CRTAC1: variants seen among roughly 807,000 people sequenced by gnomAD.
CRTAC1 encodes the protein acidic secreted protein in cartilage.
CRTAC1 carries 37 observed loss-of-function variants against 67.8 expected under a neutral mutation model. The observed-to-expected ratio is 0.55, with a 90% CI of 0.42 to 0.72. The LOEUF is 0.72. CRTAC1 is among the 30% of genes least tolerant of loss of function. The probability of loss-of-function intolerance (pLI) is 0.00; values close to 1 mark genes in which losing one functional copy is unlikely to be tolerated. For missense variants in CRTAC1, 780 were observed against 931.6 expected (o/e 0.84, Z 2.12); for synonymous variants, 348 against 371.0 (o/e 0.94, Z 0.71).
In CRTAC1 at chr10:98,030,301, A is replaced by C; in HGVS notation, c.24+148T>G. The C allele has an allele frequency of 2.2e-6, 1 of 464,062 alleles. No homozygotes were observed. The allele number at this position is 464,062 out of a possible 1,614,324, so 28.7% of individuals were successfully genotyped here. A position where few individuals can be genotyped will look rare whatever the true frequency, so the allele number is the denominator to read the frequency against. ...CGAGTCCAGCGCCTCCCAGCAAGTT[A>C]GGAGCGAAGCCGCCGCCTTCGCGAT... On this transcript the variant is annotated intron_variant, in intron 1 of 14. Transcript: ENST00000370597. The surrounding 1 kb of genome is among the most constrained non-coding windows in gnomAD (Gnocchi z 4.2).
At chr10:97,937,693 C>G (rs1272100583) in intron 2 of CRTAC1, among the ~76,000 whole-genome samples, 1 of 152,186 alleles carries the variant, frequency 6.6e-6, no homozygotes, top group Non-Finnish European at 1.5e-5. Flanking sequence ...ATGGAGAAAA[C>G]AAGGGCCCTG....
At chr10:97,972,870 A>G (rs2051737555) in intron 2 of CRTAC1, among the ~76,000 whole-genome samples, 1 of 152,212 alleles carries the variant, frequency 6.6e-6, no homozygotes, top group Non-Finnish European at 1.5e-5. Context: ...TATTTCATCA[A>G]TTCCAAGACA....
chr10:97,903,974 C>T (rs149598151), intron 7 of CRTAC1, among the ~76,000 whole-genome samples: 384 of 152,058 alleles, frequency 2.5e-3, no homozygotes, highest in African/African-American at 8.5e-3. Flanking sequence ...TTGGTTTGAA[C>T]GTCAGTCTGA....
intron 11 of CRTAC1, among the ~76,000 whole-genome samples, chr10:97,887,756 G>A (rs1345837374): frequency 6.6e-6 from 1 of 152,228 alleles, no homozygotes; most frequent in African/African-American, 2.4e-5. Flanking sequence ...CCACTCCTAG[G>A]AAGCACAGCC....
chr10:97,980,189 AAAGTGCTCAGGGC>A (rs1404098824), intron 2 of CRTAC1, among the ~76,000 whole-genome samples: 1 of 152,258 alleles, frequency 6.6e-6, no homozygotes, highest in East Asian at 1.9e-4. Flanking sequence ...AGATTCATGT[AAAGTGCTCAGGGC>A]AATGCCAGGC....
At position 97,901,626 on chromosome 10, in the gene CRTAC1, G is replaced by A; in HGVS notation, c.1010C>T (p.Pro337Leu). ...GKVRFRDIAS[P>L]KFSMPSPVRT... ...GACAGGGGAGGGCATGGAGAACTTG[G>A]GTGAGGCGATGTCCTGGAGGAAACA... The change falls in exon 8 of 15, where the codon CCC becomes CTC. Residue 337 changes from proline to leucine, a missense_variant. Physicochemically the swap from Pro to Leu is moderately conservative, Grantham distance 98. Transcript: ENST00000370597. The A allele has an allele frequency of 6.2e-7, 1 of 1,614,170 alleles. No individual in the cohort carries two copies. Among genetic ancestry groups the A allele is most frequent in the Non-Finnish European group, 8.5e-7 (1 of 1,180,020 alleles).
chr10:97,886,150 G>A lies in CRTAC1; in HGVS notation c.1487-1799C>T, dbSNP rs183351026. Among the ~76,000 whole-genome samples the A allele has an allele frequency of 6.8e-4, 104 of 152,318 alleles. 2 individuals are homozygous for A. In the South Asian group the frequency reaches 0.018, roughly 26 times the overall value. The stretch of plus-strand genomic sequence containing the variant: ...CTGTGGGGCATGGAGGAAGGGAGCC[G>A]GGTGCTGGGGGGAGGACCCATGATG... On this transcript the variant is annotated intron_variant, in intron 11 of 14. Transcript: ENST00000370597.
In CRTAC1 at chr10:97,895,886, T is replaced by C. The variant is rs1226182756; in HGVS notation, c.1316A>G (p.Gln439Arg). 6.2e-7 allele frequency: 1 copy of C among 1,612,062 alleles called. No homozygotes were observed. Among genetic ancestry groups the C allele is most frequent in the Admixed American group, 1.7e-5 (1 of 59,992 alleles). ...AQPLSVFRGNQGFNNNWLRVV... is the reference protein window; with the variant it reads ...AQPLSVFRGNRGFNNNWLRVV... ...GTGGCTCCTGAGGTCTTAGCGCACC[T>C]GATTGCCCCGGAAGACGGACAGCGG... Residue 439 changes from glutamine (Q) to arginine (R), a missense_variant and splice_region_variant, in exon 10 of 15, where the codon CAG (glutamine) becomes CGG (arginine). By Grantham distance (43) the Gln-to-Arg change is conservative (BLOSUM62 1). Transcript: ENST00000370597. The surrounding 1 kb of genome is among the most constrained non-coding windows in gnomAD (Gnocchi z 4.2).
At chr10:97,902,115 C>A in intron 7 of CRTAC1, among the ~76,000 whole-genome samples, 1 of 152,214 alleles carries the variant, frequency 6.6e-6, no homozygotes, top group East Asian at 1.9e-4. Context: ...CACCGGAAAT[C>A]TCTGTGCATC....
Position 97,936,166 on chromosome 10 carries a change from T to C in CRTAC1, c.421+4A>G. On this transcript the variant is annotated splice_donor_region_variant and intron_variant, in intron 3 of 14. Coordinates refer to ENST00000370597, the MANE Select transcript of CRTAC1 (RefSeq NM_018058.7). ...CAGGAAGAGGCCTGAGCCCCAGCCC[T>C]TACCCGAGAAGGCATTATTGGTGTT... 2 of 1,597,460 alleles carry C rather than the reference T, an allele frequency of 1.3e-6. No individual in the cohort carries two copies. The highest frequency in any genetic ancestry group is 1.7e-6 in the Non-Finnish European group (2 of 1,168,126).
chr10:97,876,754 C>G (rs767778528), intron 14 of CRTAC1, among the ~76,000 whole-genome samples: 3 of 152,062 alleles, frequency 2.0e-5, no homozygotes, highest in African/African-American at 7.2e-5. Flanking sequence ...GGGGACGGAA[C>G]GGTTTGGGCT....
chr10:97,936,851 T>C (rs1317514977), intron 2 of CRTAC1, among the ~76,000 whole-genome samples: 1 of 152,208 alleles, frequency 6.6e-6, no homozygotes, highest in Admixed American at 6.5e-5. Context: ...TCAGAGAGGC[T>C]GAATGCCCTT....
intron 6 of CRTAC1, among the ~76,000 whole-genome samples, chr10:97,906,350 G>C (rs2050612007): frequency 6.6e-6 from 1 of 152,194 alleles, no homozygotes; most frequent in Admixed American, 6.5e-5. Context: ...CCTTGACAAG[G>C]AGCTGGTTCC....
chr10:97,894,186 C>T (rs972686112), intron 11 of CRTAC1, among the ~76,000 whole-genome samples: 18 of 152,146 alleles, frequency 1.2e-4, no homozygotes, highest in Non-Finnish European at 1.8e-4. Flanking sequence ...AACTGTCAAA[C>T]GATTTTCCAG....
At chr10:98,000,618 C>T (rs978242191) in intron 2 of CRTAC1, among the ~76,000 whole-genome samples, 3 of 152,196 alleles carry the variant, frequency 2.0e-5, no homozygotes, top group Non-Finnish European at 2.9e-5. Context: ...GGCGAGTGGG[C>T]GGAGCGAGCC....
chr10:97,869,398 C>T (rs1382926974), intron 14 of CRTAC1: 3 of 152,424 alleles, frequency 2.0e-5, no homozygotes, highest in Admixed American at 1.3e-4. Context: ...TCCCTGCACC[C>T]ACCTTGCCAG....
chr10:98,021,984 C>T lies in CRTAC1; in HGVS notation c.24+8465G>A, dbSNP rs1034989373. Among the ~76,000 whole-genome samples the T allele has an allele frequency of 5.3e-5, 8 of 152,188 alleles. No homozygotes were observed. The East Asian group carries it at 7.7e-4, about 15-fold the overall frequency. On this transcript the variant is annotated intron_variant, in intron 1 of 14. Coordinates refer to ENST00000370597, the MANE Select transcript of CRTAC1 (RefSeq NM_018058.7). Reference sequence around the variant, plus strand: ...GCCACGTTAGAAATGATGAAAAAGACGTGGTCCCTGACCTCAAGGAGCTTA... The same window carrying T: ...GCCACGTTAGAAATGATGAAAAAGATGTGGTCCCTGACCTCAAGGAGCTTA...
chr10:97,984,228 A>G (rs1259995180), intron 2 of CRTAC1, among the ~76,000 whole-genome samples: 2 of 152,172 alleles, frequency 1.3e-5, no homozygotes, highest in African/African-American at 4.8e-5. Context: ...AGGCTTGGAA[A>G]CGTGTCTCCA....
chr10:97,923,262 AC>A lies in CRTAC1; in HGVS notation c.558+1del, dbSNP rs747083602. 1 of 1,613,872 alleles carries A rather than the reference AC, an allele frequency of 6.2e-7. No homozygotes were observed. Among genetic ancestry groups the A allele is most frequent in the Non-Finnish European group, 8.5e-7 (1 of 1,179,982 alleles). Reference sequence around the variant, plus strand: ...CAGGACCCCATGTGCCCCTGCACTCACCTTTCTGTCCACACAGGCCACAGAG... The same window carrying A: ...CAGGACCCCATGTGCCCCTGCACTCACTTTCTGTCCACACAGGCCACAGAG... On this transcript the variant is annotated splice_donor_variant, in intron 4 of 14. Transcript: ENST00000370597. LOFTEE classifies it high-confidence loss of function.
Sources: allele counts gnomAD v4.1 joint callset (sites outside exome capture counted in the v4.1 genomes callset), GRCh38; gene constraint gnomAD v4.1.1; non-coding constraint Gnocchi (gnomAD v3.1); transcripts MANE v1.5; gene names NCBI Gene and HGNC (gene_info 2026-07-23, HGNC 2026-07-21).